SCN8A: variants seen among roughly 807,000 people sequenced by gnomAD.
The protein encoded by SCN8A is sodium voltage-gated channel alpha subunit 8, also known as sodium channel protein type 8 subunit alpha.
A neutral mutation model predicts 184.1 loss-of-function variants in SCN8A; 30 were observed. The observed-to-expected ratio is 0.16, with a 90% CI of 0.12 to 0.22. SCN8A has a LOEUF of 0.22. SCN8A is among the 10% of genes least tolerant of loss of function. The pLI is 1.00. For missense variants in SCN8A, 1,057 were observed against 2,498.9 expected (o/e 0.42, Z 12.30); for synonymous variants, 852 against 907.0 (o/e 0.94, Z 1.09).
intron 1 of SCN8A, among the ~76,000 whole-genome samples, chr12:51,655,615 CTTCCCAT>C: frequency 6.6e-6 from 1 of 152,270 alleles, no homozygotes; most frequent in East Asian, 1.9e-4. Context: ...CTCAAGCGAT[CTTCCCAT>C]CTAAGCCTCC....
intron 25 of SCN8A, among the ~76,000 whole-genome samples, chr12:51,791,223 A>C (rs1938241594): frequency 6.6e-6 from 1 of 152,180 alleles, no homozygotes; most frequent in Non-Finnish European, 1.5e-5. Flanking sequence ...CACCAAAAAA[A>C]CCCAGCAGAA....
At chr12:51,663,214 G>C (rs1940960400) in intron 2 of SCN8A, 121 bp downstream of exon 2, 4 of 1,173,762 alleles carry the variant, frequency 3.4e-6, no homozygotes, top group Non-Finnish European at 4.9e-6. Flanking sequence ...TTTTGTTTCA[G>C]TTCTGGCTTG....
At position 51,687,065 on chromosome 12, in the gene SCN8A, C is replaced by T. The variant is rs375072288; in HGVS notation, c.486-26C>T. On this transcript the variant is annotated intron_variant, in intron 4 of 26. Coordinates refer to ENST00000627620, the MANE Select transcript of SCN8A (RefSeq NM_001330260.2). The stretch of plus-strand genomic sequence containing the variant: ...ATTTAAAGTTTCTGTCCAGAAATTA[C>T]CTCAAGCTATTCATTTCTTTGACAG... The T allele has an allele frequency of 7.4e-6, 12 of 1,612,286 alleles. No individual in the cohort carries two copies. In the African/African-American group the frequency reaches 1.5e-4, roughly 20 times the overall value.
chr12:51,745,406 A>G (rs759938218), intron 12 of SCN8A, among the ~76,000 whole-genome samples: 2 of 152,250 alleles, frequency 1.3e-5, no homozygotes, highest in Non-Finnish European at 2.9e-5. Flanking sequence ...GCAGTTTATT[A>G]GAATAATGGT....
At chr12:51,784,864 T>A (rs1236175534) in intron 21 of SCN8A, among the ~76,000 whole-genome samples, 3 of 152,192 alleles carry the variant, frequency 2.0e-5, no homozygotes, top group African/African-American at 7.2e-5. Flanking sequence ...TCAGAAGAGT[T>A]CCTGGAGGAA....
At chr12:51,773,970 T>C (rs1942969567) in intron 19 of SCN8A, among the ~76,000 whole-genome samples, 1 of 152,204 alleles carries the variant, frequency 6.6e-6, no homozygotes, top group South Asian at 2.1e-4. Flanking sequence ...CTGAATATAC[T>C]AAAAGCCATT....
intron 2 of SCN8A, among the ~76,000 whole-genome samples, chr12:51,674,689 GAATGGCAGTACTGTGTGATAGC>G (rs1306422486): frequency 6.6e-6 from 1 of 152,196 alleles, no homozygotes; most frequent in East Asian, 1.9e-4. Context: ...AGAGCTGAAG[GAATGGCAGTACTGTGTGATAGC>G]AGTGGCAGCA....
intron 12 of SCN8A, among the ~76,000 whole-genome samples, chr12:51,726,122 A>T (rs2138790917): frequency 6.6e-6 from 1 of 152,272 alleles, no homozygotes; most frequent in Middle Eastern, 3.4e-3. Context: ...TATCTTCATT[A>T]GTTATTCAGT....
intron 16 of SCN8A, chr12:51,768,225 TAGG>T (rs1488287974): frequency 6.6e-6 from 1 of 152,168 alleles, no homozygotes; most frequent in African/African-American, 2.4e-5. Context: ...TGTAGTAAAA[TAGG>T]AGATTAAAAC....
At chr12:51,655,589 G>A (rs1412125882) in intron 1 of SCN8A, among the ~76,000 whole-genome samples, 1 of 152,010 alleles carries the variant, frequency 6.6e-6, no homozygotes, top group African/African-American at 2.4e-5. Context: ...GCCCAGGCTG[G>A]TATCAAACTT....
In SCN8A at chr12:51,673,233, A is replaced by G. The variant is rs546125525; in HGVS notation, c.276+10140A>G. 3.6e-4 allele frequency among the ~76,000 whole-genome samples: 55 copies of G among 152,274 alleles called. 1 individual carries two copies. In the South Asian group the frequency reaches 0.011, roughly 30 times the overall value. On this transcript the variant is annotated intron_variant, in intron 2 of 26. Transcript: ENST00000627620. The stretch of plus-strand genomic sequence containing the variant: ...AATATAGTATAACTATTTATAAAGC[A>G]TTTACATTGTATTAAGTATTATAAG...
chr12:51,676,972 T>C (rs558080817), intron 2 of SCN8A, among the ~76,000 whole-genome samples: 34 of 152,308 alleles, frequency 2.2e-4, no homozygotes, highest in African/African-American at 5.8e-4. Flanking sequence ...CGAAGAAGCT[T>C]TCTCTTCTAT....
At chr12:51,615,178 T>C (rs1308204847) in intron 1 of SCN8A, among the ~76,000 whole-genome samples, 1 of 152,176 alleles carries the variant, frequency 6.6e-6, no homozygotes, top group African/African-American at 2.4e-5. Flanking sequence ...GTTATTTTAG[T>C]GTAGCACTAG....
chr12:51,743,539 T>C (rs2040377110), intron 12 of SCN8A, among the ~76,000 whole-genome samples: 1 of 152,192 alleles, frequency 6.6e-6, no homozygotes, highest in Admixed American at 6.5e-5. Context: ...GGAGTCTCTT[T>C]TTCTGTGCTG....
At chr12:51,762,809 T>C (rs1457597857) in intron 15 of SCN8A, 133 bp downstream of exon 15, 1 of 826,088 alleles carries the variant, frequency 1.2e-6, no homozygotes, top group Non-Finnish European at 1.7e-6. Context: ...TTATTTGGCT[T>C]AGCTACTAAA....
intron 6 of SCN8A, among the ~76,000 whole-genome samples, chr12:51,693,715 C>G (rs1432034650): frequency 1.3e-5 from 2 of 152,170 alleles, no homozygotes; most frequent in Non-Finnish European, 2.9e-5. Context: ...ACACAGCACA[C>G]TACTTTACCC....
At chr12:51,660,936 A>G (rs1940913428) in intron 1 of SCN8A, among the ~76,000 whole-genome samples, 1 of 152,146 alleles carries the variant, frequency 6.6e-6, no homozygotes. Context: ...GAATGAAGGA[A>G]AAGGAATTTT....
intron 1 of SCN8A, among the ~76,000 whole-genome samples, chr12:51,657,179 GTTA>G (rs1284997101): frequency 6.6e-6 from 1 of 151,932 alleles, no homozygotes; most frequent in Admixed American, 6.6e-5. Flanking sequence ...TGGTTTTATT[GTTA>G]TTTTTAATTG....
rs146621570 is a variant in SCN8A at position 51,751,811 on chromosome 12, C to G, written c.2370+218C>G. ...GAACTTTGAAGACGTCATTTAGGAG[C>G]TATTGGCAGAAAACCAATGTTGGCG... On this transcript the variant is annotated intron_variant, in intron 14 of 26. Coordinates refer to ENST00000627620, the MANE Select transcript of SCN8A (RefSeq NM_001330260.2). 5.6e-4 allele frequency among the ~76,000 whole-genome samples: 86 copies of G among 152,298 alleles called. 2 individuals are homozygous for G. The East Asian group carries it at 0.015, about 27-fold the overall frequency.
Sources: gnomAD v4.1 joint callset for allele counts (sites outside exome capture counted in the v4.1 genomes callset) on GRCh38, gnomAD v4.1.1 for gene constraint, MANE v1.5 for transcripts, NCBI Gene and HGNC (gene_info 2026-07-23, HGNC 2026-07-21) for gene names.